The following CSMD1 variants were observed in gnomAD, a reference collection of about 807,000 sequenced individuals.
The protein encoded by CSMD1 is CUB and Sushi multiple domains 1, also known as CUB and sushi domain-containing protein 1.
A neutral mutation model predicts 417.5 loss-of-function variants in CSMD1; 213 were observed. The observed-to-expected ratio is 0.51, with a 90% CI of 0.46 to 0.57. The LOEUF (loss-of-function observed/expected upper bound fraction) is 0.57, where lower values mean the gene tolerates loss of function less well. Among genes scored for constraint, CSMD1 ranks in the 20% least tolerant of loss-of-function variants. The pLI, the probability that CSMD1 is intolerant of heterozygous loss-of-function variation, is 0.00. For missense variants in CSMD1, 6,923 were observed against 4,529.7 expected (o/e 1.53, Z -15.17); for synonymous variants, 2,862 against 1,736.8 (o/e 1.65, Z -16.11).
chr8:4,300,055 C>G (rs189615553), intron 3 of CSMD1, among the ~76,000 whole-genome samples: 7 of 152,212 alleles, frequency 4.6e-5, no homozygotes, highest in Non-Finnish European at 7.3e-5. Context: ...GGAAGAACTT[C>G]TCATACATGT....
chr8:3,495,203 C>G (rs922749927), intron 10 of CSMD1, among the ~76,000 whole-genome samples: 1 of 152,150 alleles, frequency 6.6e-6, no homozygotes, highest in African/African-American at 2.4e-5. Flanking sequence ...ATTTTTATTT[C>G]TACTTTTTGT....
In CSMD1 at chr8:3,255,522, C is replaced by T. The variant is rs945071238; in HGVS notation, c.4154-25291G>A. 5.3e-5 allele frequency among the ~76,000 whole-genome samples: 8 copies of T among 152,320 alleles called. No individual in the cohort carries two copies. In the South Asian group the frequency reaches 1.0e-3, roughly 20 times the overall value. On this transcript the variant is annotated intron_variant, in intron 26 of 69. Transcript: ENST00000635120. The stretch of plus-strand genomic sequence containing the variant: ...GAGCTGTGGTGGGCTCCACCCAGTT[C>T]GAGCTTCCCACCTGCTTTGTTTACC...
chr8:4,172,326 A>C (rs1413161026), intron 3 of CSMD1, among the ~76,000 whole-genome samples: 1 of 152,152 alleles, frequency 6.6e-6, no homozygotes, highest in African/African-American at 2.4e-5. Flanking sequence ...CCGAGATATG[A>C]CTAGTGTCAT....
At chr8:4,907,766 T>C (rs1423793110) in intron 1 of CSMD1, among the ~76,000 whole-genome samples, 1 of 151,762 alleles carries the variant, frequency 6.6e-6, no homozygotes, top group African/African-American at 2.4e-5. Context: ...GGGTCTTGCT[T>C]TGTTTCCCAG....
rs139984243 is a variant in CSMD1 at position 4,881,052 on chromosome 8, A to G, written c.85+113280T>C. ...TCCCATTTTTCAGGGCTCAGTTCCCAACTCTTTTCCTAGAGGACTCTGCCA... is the reference window on the plus strand; with the variant it reads ...TCCCATTTTTCAGGGCTCAGTTCCCGACTCTTTTCCTAGAGGACTCTGCCA... On this transcript the variant is annotated intron_variant, in intron 1 of 69. Transcript: ENST00000635120. Among the ~76,000 whole-genome samples, 1,153 of 151,978 alleles carry G rather than the reference A, an allele frequency of 7.6e-3. 21 individuals are homozygous for G. Among genetic ancestry groups the G allele is most frequent in the African/African-American group, 0.025 (1,051 of 41,380 alleles).
chr8:3,200,153 T>G (rs1198659406), intron 32 of CSMD1, among the ~76,000 whole-genome samples: 3 of 152,130 alleles, frequency 2.0e-5, no homozygotes, highest in African/African-American at 7.2e-5. Flanking sequence ...TAGTTAAAAT[T>G]AAAATAATTT....
intron 5 of CSMD1, among the ~76,000 whole-genome samples, chr8:3,846,413 G>C (rs1371270821): frequency 1.3e-5 from 2 of 151,834 alleles, no homozygotes; most frequent in Non-Finnish European, 2.9e-5. Flanking sequence ...ACATATGTAA[G>C]TTTTGATTAG....
At chr8:4,583,132 C>T (rs960000755) in intron 2 of CSMD1, among the ~76,000 whole-genome samples, 10 of 152,142 alleles carry the variant, frequency 6.6e-5, no homozygotes, top group South Asian at 2.1e-4. Flanking sequence ...GGCTCCTGTG[C>T]GGCCCAAGCC....
chr8:4,575,825 G>A (rs1446014843), intron 2 of CSMD1, among the ~76,000 whole-genome samples: 1 of 152,194 alleles, frequency 6.6e-6, no homozygotes, highest in Non-Finnish European at 1.5e-5. Context: ...AGGTCGCAAT[G>A]TCCTTAGACT....
intron 3 of CSMD1, among the ~76,000 whole-genome samples, chr8:4,140,316 G>A (rs1037218764): frequency 7.3e-5 from 11 of 150,942 alleles, no homozygotes; most frequent in Non-Finnish European, 1.3e-4. Flanking sequence ...GACAAACATG[G>A]TGAAATCCCA....
chr8:3,590,540 C>T (rs915004673), intron 8 of CSMD1, among the ~76,000 whole-genome samples: 1 of 152,132 alleles, frequency 6.6e-6, no homozygotes, highest in African/African-American at 2.4e-5. Context: ...GAAATCTCTG[C>T]GCACATTCAT....
intron 3 of CSMD1, among the ~76,000 whole-genome samples, chr8:4,289,486 A>C (rs1386642234): frequency 6.6e-6 from 1 of 152,216 alleles, no homozygotes; most frequent in Non-Finnish European, 1.5e-5. Context: ...GATTTGGACC[A>C]CATAAACTGA....
intron 3 of CSMD1, among the ~76,000 whole-genome samples, chr8:4,143,224 T>C (rs1803899419): frequency 6.6e-6 from 1 of 151,234 alleles, no homozygotes; most frequent in Admixed American, 6.6e-5. Flanking sequence ...CGGTGTGGTC[T>C]AAACCCTCTT....
chr8:4,820,140 C>A (rs1250730976), intron 1 of CSMD1, among the ~76,000 whole-genome samples: 4 of 152,116 alleles, frequency 2.6e-5, no homozygotes, highest in Non-Finnish European at 5.9e-5. Flanking sequence ...ATTCTTGCAC[C>A]ACCTCTCTGT....
chr8:3,342,862 T>C (rs1414836697), intron 23 of CSMD1, among the ~76,000 whole-genome samples: 2 of 147,628 alleles, frequency 1.4e-5, no homozygotes, highest in Non-Finnish European at 3.0e-5. Context: ...TGTGTGCTTA[T>C]ACATATATAT....
At chr8:4,717,502 C>T (rs1483000230) in intron 1 of CSMD1, among the ~76,000 whole-genome samples, 5 of 151,186 alleles carry the variant, frequency 3.3e-5, no homozygotes, top group South Asian at 2.1e-4. Flanking sequence ...ATGTATCTAC[C>T]TATGACAAGA....
chr8:3,861,287 C>T (rs1804689876), intron 5 of CSMD1, among the ~76,000 whole-genome samples: 1 of 152,196 alleles, frequency 6.6e-6, no homozygotes, highest in Non-Finnish European at 1.5e-5. Flanking sequence ...GATCATTAAA[C>T]CTTCCTTTGT....
intron 6 of CSMD1, among the ~76,000 whole-genome samples, chr8:3,737,926 A>T (rs1196537037): frequency 6.6e-6 from 1 of 152,224 alleles, no homozygotes; most frequent in Non-Finnish European, 1.5e-5. Flanking sequence ...TTCTAAAGGT[A>T]GATAATTGTC....
intron 1 of CSMD1, among the ~76,000 whole-genome samples, chr8:4,698,752 C>G (rs61249720): frequency 0.12 from 9,837 of 83,864 alleles, 647 homozygotes; most frequent in African/African-American, 0.39. Context: ...AAACTCTCTG[C>G]CCCTTAAAAA....
Sources: allele counts gnomAD v4.1 joint callset (sites outside exome capture counted in the v4.1 genomes callset), GRCh38; gene constraint gnomAD v4.1.1; transcripts MANE v1.5; gene names NCBI Gene and HGNC (gene_info 2026-07-23, HGNC 2026-07-21).